PDILT: variants seen among roughly 807,000 people sequenced by gnomAD.
PDILT encodes the protein protein disulfide isomerase like, testis expressed.
A neutral mutation model predicts 53.7 loss-of-function variants in PDILT; 43 were observed. The ratio of observed to expected loss-of-function variants is 0.80; its 90% CI spans 0.63 to 1.03. PDILT has a LOEUF of 1.03. Ranked by LOEUF, PDILT falls within the 50% of genes least tolerant of loss-of-function variation. The pLI is 0.00. For missense variants in PDILT, 727 were observed against 712.3 expected, an observed-to-expected ratio of 1.02 and a Z score of -0.24; for synonymous variants, 282 against 274.2, an observed-to-expected ratio of 1.03 and a Z score of -0.28.
At chr16:20,395,266 A>C (rs1381890137) in intron 2 of PDILT, among the ~76,000 whole-genome samples, 1 of 152,206 alleles carries the variant, frequency 6.6e-6, no homozygotes, top group East Asian at 1.9e-4. Context: ...CTCAGTTAGA[A>C]ACATCCATGG....
At position 20,392,829 on chromosome 16, in the gene PDILT, G is replaced by A. The variant is rs1403594652; in HGVS notation, c.202+6270C>T. ...GGTTCCCTCTGTAGCCTCAGATTTA[G>A]TGTCAGTTCTTAAGTCATAAGAATT... On this transcript the variant is annotated intron_variant, in intron 2 of 11. Transcript: ENST00000302451. 2.6e-5 allele frequency among the ~76,000 whole-genome samples: 4 copies of A among 152,194 alleles called. No individual in the cohort carries two copies. The East Asian group carries it at 7.7e-4, about 29-fold the overall frequency.
At chr16:20,397,739 G>T (rs1337641302) in intron 2 of PDILT, among the ~76,000 whole-genome samples, 1 of 152,170 alleles carries the variant, frequency 6.6e-6, no homozygotes, top group Non-Finnish European at 1.5e-5. Context: ...GGGGCAGCTT[G>T]GGAAGCAGGT....
chr16:20,391,723 C>T (rs1358454558), intron 2 of PDILT, among the ~76,000 whole-genome samples: 4 of 151,962 alleles, frequency 2.6e-5, no homozygotes, highest in Middle Eastern at 3.4e-3. Flanking sequence ...GCAATGTACA[C>T]GATGAAAAGC....
At chr16:20,397,051 C>T (rs562411387) in intron 2 of PDILT, among the ~76,000 whole-genome samples, 5 of 152,322 alleles carry the variant, frequency 3.3e-5, no homozygotes, top group South Asian at 2.1e-4. Context: ...GTTCTTATTA[C>T]GCATCAGTCA....
At chr16:20,383,919 C>T (rs751072601) in intron 3 of PDILT, among the ~76,000 whole-genome samples, 3 of 152,196 alleles carry the variant, frequency 2.0e-5, no homozygotes, top group Admixed American at 6.5e-5. Context: ...CACACATCCT[C>T]AACATCAAGA....
At chr16:20,398,686 G>A (rs1322824038) in intron 2 of PDILT, among the ~76,000 whole-genome samples, 1 of 152,118 alleles carries the variant, frequency 6.6e-6, no homozygotes, top group African/African-American at 2.4e-5. Context: ...GCCCCAGGCT[G>A]CCATCATTTA....
chr16:20,385,550 T>C (rs1966522588), intron 2 of PDILT, among the ~76,000 whole-genome samples: 1 of 152,134 alleles, frequency 6.6e-6, no homozygotes, highest in South Asian at 2.1e-4. Context: ...CACAAAGGCA[T>C]GCAGAGTGGT....
intron 8 of PDILT, 79 bp downstream of exon 8, chr16:20,369,412 AG>A: frequency 6.8e-7 from 1 of 1,461,194 alleles, no homozygotes; most frequent in Non-Finnish European, 9.6e-7. Flanking sequence ...ACAGGTGAGG[AG>A]AATTATCAAG....
intron 3 of PDILT, among the ~76,000 whole-genome samples, chr16:20,381,333 C>T (rs1421543259): frequency 1.3e-5 from 2 of 152,162 alleles, no homozygotes; most frequent in Non-Finnish European, 2.9e-5. Flanking sequence ...CTTACTCATC[C>T]TGTTTAGAAA....
At chr16:20,390,859 C>T (rs1352647099) in intron 2 of PDILT, 1 of 152,170 alleles carries the variant, frequency 6.6e-6, no homozygotes, top group Non-Finnish European at 1.5e-5. Context: ...CACCTACGTG[C>T]TTCATATACA....
At chr16:20,380,375 T>C (rs1221968963) in intron 3 of PDILT, among the ~76,000 whole-genome samples, 1 of 152,160 alleles carries the variant, frequency 6.6e-6, no homozygotes, top group East Asian at 1.9e-4. Context: ...TCTCACTCTG[T>C]TGCCCAGGCT....
chr16:20,362,312 G>A (rs1050910440), intron 10 of PDILT, 92 bp downstream of exon 10: 6 of 1,342,284 alleles, frequency 4.5e-6, no homozygotes, highest in Admixed American at 2.0e-5. Flanking sequence ...AAACTGGTTT[G>A]GTAGAAAGCG....
chr16:20,366,130 C>T (rs924563465), intron 8 of PDILT, among the ~76,000 whole-genome samples: 1 of 151,240 alleles, frequency 6.6e-6, no homozygotes, highest in East Asian at 1.9e-4. Context: ...TCCTCAATTA[C>T]TCTAAGAATC....
chr16:20,387,850 T>C (rs1342001663), intron 2 of PDILT, among the ~76,000 whole-genome samples: 10 of 152,048 alleles, frequency 6.6e-5, no homozygotes, highest in Admixed American at 4.6e-4. Context: ...TGAACTCCTG[T>C]CCTTAGGTGG....
Position 20,364,360 on chromosome 16 carries a change from C to T in PDILT, c.1237+1060G>A, listed in dbSNP as rs542460805. 9.8e-5 allele frequency among the ~76,000 whole-genome samples: 15 copies of T among 152,320 alleles called. No individual in the cohort carries two copies. The East Asian group carries it at 2.3e-3, about 23-fold the overall frequency. On this transcript the variant is annotated intron_variant, in intron 9 of 11. Coordinates refer to ENST00000302451, the MANE Select transcript of PDILT (RefSeq NM_174924.2). ...GTGATTGTAAAAGGCCTGCATGATG[C>T]AGTGTAGCCCTTGTCTTACCCTCCA...
chr16:20,400,615 A>G (rs1162461675), intron 1 of PDILT, among the ~76,000 whole-genome samples: 1 of 152,014 alleles, frequency 6.6e-6, no homozygotes, highest in East Asian at 1.9e-4. Context: ...TTCAACTTCT[A>G]TTTGGGAAAT....
At chr16:20,365,361 AAC>A in intron 9 of PDILT, 57 bp downstream of exon 9, 7 of 1,589,684 alleles carry the variant, frequency 4.4e-6, no homozygotes, top group Non-Finnish European at 6.0e-6. Context: ...ATTCAGGAGA[AAC>A]ACTTGAAACA....
chr16:20,386,454 A>G (rs1196802508), intron 2 of PDILT, among the ~76,000 whole-genome samples: 2 of 151,972 alleles, frequency 1.3e-5, no homozygotes, highest in Non-Finnish European at 2.9e-5. Context: ...AGTGCAAATG[A>G]CCTCTGCTGC....
At chr16:20,393,096 A>G (rs1215795633) in intron 2 of PDILT, among the ~76,000 whole-genome samples, 2 of 152,212 alleles carry the variant, frequency 1.3e-5, no homozygotes, top group Non-Finnish European at 2.9e-5. Flanking sequence ...TGTTTTATCT[A>G]TGTAAACCAT....
Sources: gnomAD v4.1 joint callset for allele counts (sites outside exome capture counted in the v4.1 genomes callset) on GRCh38, gnomAD v4.1.1 for gene constraint, MANE v1.5 for transcripts, NCBI Gene and HGNC (gene_info 2026-07-23, HGNC 2026-07-21) for gene names.